ITGBL1: variants seen among roughly 807,000 people sequenced by gnomAD.
The protein encoded by ITGBL1 is integrin beta-like protein 1.
Under a neutral mutation model 68.5 loss-of-function variants are expected in ITGBL1, and 51 were observed. That is an observed-to-expected ratio of 0.74 (90% CI 0.59 to 0.94). The LOEUF is 0.94. Ranked by LOEUF, ITGBL1 falls within the 40% of genes least tolerant of loss-of-function variation. ITGBL1 has a pLI of 0.00. For synonymous variants in ITGBL1, 209 were observed against 227.3 expected (o/e 0.92, Z 0.72); for missense variants, 649 against 647.4 (o/e 1.00, Z -0.03).
intron 2 of ITGBL1, among the ~76,000 whole-genome samples, chr13:101,460,401 C>T (rs977784307): frequency 6.6e-6 from 1 of 152,224 alleles, no homozygotes; most frequent in Non-Finnish European, 1.5e-5. Flanking sequence ...CACTAGCTCA[C>T]CCACTGCATG....
chr13:101,701,135 T>A (rs565715857), intron 8 of ITGBL1, among the ~76,000 whole-genome samples: 2 of 152,318 alleles, frequency 1.3e-5, no homozygotes, highest in South Asian at 4.1e-4. Flanking sequence ...TTAAGTAAAG[T>A]CATATAAATG....
At chr13:101,689,846 T>C (rs2033845207) in intron 7 of ITGBL1, among the ~76,000 whole-genome samples, 1 of 152,188 alleles carries the variant, frequency 6.6e-6, no homozygotes, top group Non-Finnish European at 1.5e-5. Flanking sequence ...AATTTATCCT[T>C]TTGAGTTACA....
At chr13:101,468,237 A>G (rs1241040538) in intron 2 of ITGBL1, among the ~76,000 whole-genome samples, 1 of 152,208 alleles carries the variant, frequency 6.6e-6, no homozygotes, top group Non-Finnish European at 1.5e-5. Flanking sequence ...CATGGAAATA[A>G]TTCACTTGCT....
chr13:101,700,779 A>C (rs747200172), intron 8 of ITGBL1, among the ~76,000 whole-genome samples: 1 of 152,120 alleles, frequency 6.6e-6, no homozygotes, highest in Non-Finnish European at 1.5e-5. Context: ...TGTCCCAAGA[A>C]CTTTTCATTT....
intron 2 of ITGBL1, among the ~76,000 whole-genome samples, chr13:101,565,550 A>G (rs902180450): frequency 6.6e-6 from 1 of 152,200 alleles, no homozygotes; most frequent in Non-Finnish European, 1.5e-5. Context: ...AGCTGAAAAC[A>G]CATTACAGTG....
At chr13:101,605,992 GTGTATATATACACA>G (rs1182032560) in intron 7 of ITGBL1, among the ~76,000 whole-genome samples, 7 of 144,768 alleles carry the variant, frequency 4.8e-5, no homozygotes, top group African/African-American at 1.8e-4. Flanking sequence ...GTATATATAT[GTGTATATATACACA>G]TATATATGTA....
At chr13:101,649,507 A>G (rs1008262618) in intron 7 of ITGBL1, among the ~76,000 whole-genome samples, 2 of 152,296 alleles carry the variant, frequency 1.3e-5, no homozygotes, top group East Asian at 1.9e-4. Flanking sequence ...TTTGAATTAG[A>G]GATTTTTAAA....
chr13:101,557,726 G>A (rs552961879), intron 2 of ITGBL1, among the ~76,000 whole-genome samples: 1 of 152,158 alleles, frequency 6.6e-6, no homozygotes, highest in Non-Finnish European at 1.5e-5. Context: ...ATTGGTAGAC[G>A]TTAAGTTCTC....
chr13:101,494,381 T>G lies in ITGBL1; in HGVS notation c.316+40281T>G, dbSNP rs544062170. Among the ~76,000 whole-genome samples the G allele has an allele frequency of 8.4e-4, 128 of 152,324 alleles. 2 individuals are homozygous for G. Among genetic ancestry groups the G allele is most frequent in the Middle Eastern group, 3.4e-3 (1 of 294 alleles). On this transcript the variant is annotated intron_variant, in intron 2 of 10. Coordinates refer to ENST00000376180, the MANE Select transcript of ITGBL1 (RefSeq NM_004791.3). ...TGATTAACAAATCTTTAAAAAGTTG[T>G]GAAAATTATTTTCTGGCAAACATTG...
chr13:101,506,832 GA>G (rs2049034074), intron 2 of ITGBL1, among the ~76,000 whole-genome samples: 1 of 152,118 alleles, frequency 6.6e-6, no homozygotes, highest in African/African-American at 2.4e-5. Flanking sequence ...ATTGTGACAT[GA>G]AAACAAAATA....
intron 7 of ITGBL1, among the ~76,000 whole-genome samples, chr13:101,669,531 A>G (rs936379631): frequency 6.6e-6 from 1 of 152,182 alleles, no homozygotes; most frequent in Non-Finnish European, 1.5e-5. Flanking sequence ...AGAATTGTTT[A>G]CAATTCTTTC....
intron 2 of ITGBL1, among the ~76,000 whole-genome samples, chr13:101,482,168 G>A (rs2139041222): frequency 6.6e-6 from 1 of 152,216 alleles, no homozygotes; most frequent in African/African-American, 2.4e-5. Context: ...ATTGAATCTG[G>A]ATGTTTTTCT....
chr13:101,576,952 G>GAA (rs3063716), intron 4 of ITGBL1, among the ~76,000 whole-genome samples: 1 of 126,152 alleles, frequency 7.9e-6, no homozygotes. Context: ...TATTATAGAT[G>GAA]GAAAAAAAAA....
chr13:101,677,985 C>T (rs947856720), intron 7 of ITGBL1, among the ~76,000 whole-genome samples: 4 of 152,038 alleles, frequency 2.6e-5, no homozygotes, highest in East Asian at 3.8e-4. Context: ...ATTATTGATA[C>T]GACCTTATTT....
intron 6 of ITGBL1, among the ~76,000 whole-genome samples, chr13:101,588,710 C>T (rs1424756631): frequency 1.4e-5 from 2 of 146,644 alleles, no homozygotes; most frequent in East Asian, 2.0e-4. Context: ...AAAAAAAAAC[C>T]TGATGTAATG....
At chr13:101,702,164 CTAT>C (rs2034151292) in intron 8 of ITGBL1, among the ~76,000 whole-genome samples, 1 of 152,082 alleles carries the variant, frequency 6.6e-6, no homozygotes, top group Non-Finnish European at 1.5e-5. Context: ...TTGTAATATT[CTAT>C]TATTATCCTT....
intron 2 of ITGBL1, among the ~76,000 whole-genome samples, chr13:101,473,345 T>G (rs945073378): frequency 1.3e-5 from 2 of 152,080 alleles, no homozygotes; most frequent in Non-Finnish European, 2.9e-5. Context: ...TCTGTGCTGT[T>G]GAGGGAGAGG....
At chr13:101,622,503 G>A (rs995605240) in intron 7 of ITGBL1, among the ~76,000 whole-genome samples, 39 of 152,010 alleles carry the variant, frequency 2.6e-4, no homozygotes, top group African/African-American at 8.9e-4. Flanking sequence ...CAGCTAAACC[G>A]GTGCGCACTT....
At chr13:101,703,234 G>A in intron 8 of ITGBL1, among the ~76,000 whole-genome samples, 1 of 152,074 alleles carries the variant, frequency 6.6e-6, no homozygotes, top group East Asian at 1.9e-4. Flanking sequence ...TCTCACTTAG[G>A]GATATTAGGT....
Sources: gnomAD v4.1 joint callset for allele counts (sites outside exome capture counted in the v4.1 genomes callset) on GRCh38, gnomAD v4.1.1 for gene constraint, MANE v1.5 for transcripts, NCBI Gene and HGNC (gene_info 2026-07-23, HGNC 2026-07-21) for gene names.